Variants in MYT1L observed in about 807,000 individuals in gnomAD.
MYT1L encodes the protein myelin transcription factor 1-like protein.
In MYT1L, 12 loss-of-function variants were observed where a neutral mutation model predicts 126.7. The ratio of observed to expected loss-of-function variants is 0.09; its 90% CI spans 0.06 to 0.15. MYT1L has a LOEUF of 0.15. MYT1L is among the 10% of genes least tolerant of loss of function. MYT1L has a pLI of 1.00. For synonymous variants in MYT1L, 541 were observed against 604.2 expected (o/e 0.90, Z 1.53); for missense variants, 979 against 1,585.2 (o/e 0.62, Z 6.49).
chr2:1,804,412 G>A (rs553954103), intron 22 of MYT1L, among the ~76,000 whole-genome samples: 75 of 152,198 alleles, frequency 4.9e-4, no homozygotes, highest in Admixed American at 7.9e-4. Flanking sequence ...GTGAGCCACC[G>A]CGCCCAGCCA....
chr2:1,877,842 G>A (rs193253171), intron 18 of MYT1L, among the ~76,000 whole-genome samples: 202 of 151,510 alleles, frequency 1.3e-3, no homozygotes, highest in African/African-American at 4.7e-3. Flanking sequence ...AATTCAACAT[G>A]AAAACTAACT....
intron 2 of MYT1L, among the ~76,000 whole-genome samples, chr2:2,252,607 G>A (rs2094682921): frequency 6.6e-6 from 1 of 152,308 alleles, no homozygotes; most frequent in South Asian, 2.1e-4. Flanking sequence ...TAACACCACA[G>A]GTGTGTGTTG....
chr2:2,240,666 G>A (rs1277387172), intron 2 of MYT1L, among the ~76,000 whole-genome samples: 6 of 152,104 alleles, frequency 3.9e-5, no homozygotes, highest in Admixed American at 1.3e-4. Flanking sequence ...TTATTTGAAC[G>A]TGACAATTAG....
intron 3 of MYT1L, among the ~76,000 whole-genome samples, chr2:2,168,885 T>C (rs1192100844): frequency 1.3e-5 from 2 of 152,230 alleles, no homozygotes; most frequent in East Asian, 1.9e-4. Context: ...AGCCAGGTGA[T>C]GCAGTTGGTG....
intron 3 of MYT1L, among the ~76,000 whole-genome samples, chr2:2,133,744 C>T (rs887795853): frequency 6.6e-6 from 1 of 152,118 alleles, no homozygotes; most frequent in Non-Finnish European, 1.5e-5. Context: ...AAAGGTGGTA[C>T]CCACCCTCAC....
intron 3 of MYT1L, among the ~76,000 whole-genome samples, chr2:2,149,712 G>A (rs1005613908): frequency 6.6e-6 from 1 of 152,214 alleles, no homozygotes; most frequent in Non-Finnish European, 1.5e-5. Flanking sequence ...CTCATTTGCA[G>A]AAGAAGGAAC....
intron 2 of MYT1L, among the ~76,000 whole-genome samples, chr2:2,199,799 C>A (rs2148815661): frequency 6.6e-6 from 1 of 152,346 alleles, no homozygotes; most frequent in Admixed American, 6.5e-5. Context: ...TGTCACCTGC[C>A]TGCCCAGTCC....
chr2:2,199,126 G>T (rs188232200), intron 2 of MYT1L, among the ~76,000 whole-genome samples: 1 of 152,192 alleles, frequency 6.6e-6, no homozygotes, highest in Non-Finnish European at 1.5e-5. Flanking sequence ...CTTTGGAAAG[G>T]TTCAGAAGTG....
chr2:2,129,232 C>G (rs563471366), intron 3 of MYT1L, among the ~76,000 whole-genome samples: 1 of 152,264 alleles, frequency 6.6e-6, no homozygotes, highest in East Asian at 1.9e-4. Flanking sequence ...TTTCACGTGT[C>G]TCTAGTCTGT....
At chr2:2,162,672 C>T (rs2088216862) in intron 3 of MYT1L, among the ~76,000 whole-genome samples, 1 of 152,202 alleles carries the variant, frequency 6.6e-6, no homozygotes, top group African/African-American at 2.4e-5. Flanking sequence ...TTCCGCAGGG[C>T]AGGGCCACAC....
intron 18 of MYT1L, among the ~76,000 whole-genome samples, chr2:1,861,683 G>GGCCTGTGTAATCCTGGATCTTCCTACA (rs2044646167): frequency 1.2e-5 from 1 of 86,360 alleles, no homozygotes; most frequent in Non-Finnish European, 2.5e-5. Flanking sequence ...ATCCTCCTAC[G>GGCCTGTGTAATCCTGGATCTTCCTACA]GCCTGTGTAA....
At chr2:2,316,097 T>C (rs947869928) in intron 1 of MYT1L, among the ~76,000 whole-genome samples, 11 of 152,224 alleles carry the variant, frequency 7.2e-5, no homozygotes, top group African/African-American at 2.7e-4. Context: ...AAAGGCTCCT[T>C]TGACTCCGGT....
intron 2 of MYT1L, among the ~76,000 whole-genome samples, chr2:2,222,470 T>C (rs2093903967): frequency 6.6e-6 from 1 of 151,494 alleles, no homozygotes; most frequent in South Asian, 2.1e-4. Flanking sequence ...CACTCCAGCA[T>C]GGGTGACAGA....
At chr2:1,885,129 G>C (rs1232756423) in intron 18 of MYT1L, 1 of 152,252 alleles carries the variant, frequency 6.6e-6, no homozygotes, top group Non-Finnish European at 1.5e-5. Context: ...CTTTGGCAAA[G>C]TGTCCCTCAT....
chr2:2,178,649 T>A (rs191554248), intron 2 of MYT1L, among the ~76,000 whole-genome samples: 1 of 152,278 alleles, frequency 6.6e-6, no homozygotes, highest in African/African-American at 2.4e-5. Context: ...TAGTGAGGAC[T>A]TATCACCAAG....
chr2:2,148,720 AT>A (rs1336923084), intron 3 of MYT1L, among the ~76,000 whole-genome samples: 2 of 152,154 alleles, frequency 1.3e-5, no homozygotes, highest in African/African-American at 4.8e-5. Context: ...GTCCATTAAG[AT>A]TGGAAGCTTG....
At chr2:2,158,667 G>A (rs555251780) in intron 3 of MYT1L, among the ~76,000 whole-genome samples, 186 of 149,132 alleles carry the variant, frequency 1.2e-3, no homozygotes, top group African/African-American at 4.4e-3. Context: ...GGACACGGGT[G>A]CACACACTGC....
At chr2:2,266,199 C>T (rs2095125957) in intron 2 of MYT1L, among the ~76,000 whole-genome samples, 1 of 152,214 alleles carries the variant, frequency 6.6e-6, no homozygotes, top group Admixed American at 6.5e-5. Context: ...CGAATAACTC[C>T]ATGCAGCTCC....
intron 4 of MYT1L, among the ~76,000 whole-genome samples, chr2:2,036,848 C>T (rs2066910418): frequency 6.6e-6 from 1 of 152,166 alleles, no homozygotes; most frequent in Non-Finnish European, 1.5e-5. Flanking sequence ...TTGCAGTCAC[C>T]AGTAGCTTCC....
Sources: gnomAD v4.1 joint callset for allele counts (sites outside exome capture counted in the v4.1 genomes callset) on GRCh38, gnomAD v4.1.1 for gene constraint, MANE v1.5 for transcripts, NCBI Gene and HGNC (gene_info 2026-07-23, HGNC 2026-07-21) for gene names.